JMJD1C: variants seen among roughly 807,000 people sequenced by gnomAD.
JMJD1C encodes jumonji domain-containing protein 1C.
A neutral mutation model predicts 245.3 loss-of-function variants in JMJD1C; 31 were observed. That is an observed-to-expected ratio of 0.13 (90% CI 0.09 to 0.17). The LOEUF (loss-of-function observed/expected upper bound fraction) is 0.17. JMJD1C is among the 10% of genes least tolerant of loss of function. The pLI is 1.00. For missense variants in JMJD1C, 2,691 were observed against 3,000.2 expected (o/e 0.90, Z 2.41); for synonymous variants, 1,057 against 1,017.4 (o/e 1.04, Z -0.74).
intron 1 of JMJD1C, among the ~76,000 whole-genome samples, chr10:63,511,891 T>C (rs1292532908): frequency 6.6e-6 from 1 of 151,998 alleles, no homozygotes; most frequent in African/African-American, 2.4e-5. Context: ...GGAATAACTG[T>C]TCTCATCTTT....
intron 8 of JMJD1C, among the ~76,000 whole-genome samples, chr10:63,211,859 A>G (rs1847398350): frequency 3.3e-5 from 5 of 151,422 alleles, no homozygotes; most frequent in African/African-American, 1.2e-4. Flanking sequence ...CCCACAAAAA[A>G]ACAAAAAAAC....
chr10:63,282,439 G>A (rs775341406), intron 2 of JMJD1C, among the ~76,000 whole-genome samples: 1 of 152,094 alleles, frequency 6.6e-6, no homozygotes, highest in Non-Finnish European at 1.5e-5. Context: ...AACTTATGCC[G>A]ATATTTTGAC....
At chr10:63,435,775 T>C (rs1460778400) in intron 1 of JMJD1C, among the ~76,000 whole-genome samples, 1 of 152,184 alleles carries the variant, frequency 6.6e-6, no homozygotes, top group Non-Finnish European at 1.5e-5. Flanking sequence ...GGCATGCGCC[T>C]ATAATCCCAG....
At chr10:63,495,439 A>G (rs1954326962) in intron 1 of JMJD1C, among the ~76,000 whole-genome samples, 1 of 152,088 alleles carries the variant, frequency 6.6e-6, no homozygotes. Flanking sequence ...CAATTCATTC[A>G]TCAACTTTGG....
chr10:63,348,469 T>C (rs546238396), intron 2 of JMJD1C, among the ~76,000 whole-genome samples: 5 of 152,318 alleles, frequency 3.3e-5, no homozygotes, highest in African/African-American at 1.2e-4. Context: ...TTAAATATAA[T>C]GACATTGGGT....
intron 20 of JMJD1C, 21 bp from the exon 21 acceptor site, chr10:63,184,759 C>T: frequency 6.3e-7 from 1 of 1,589,740 alleles, no homozygotes; most frequent in Non-Finnish European, 8.5e-7. Context: ...ACAACATTGC[C>T]TTCTTATAAA....
In JMJD1C at chr10:63,209,047, G is replaced by A. The variant is rs1487008979; in HGVS notation, c.2867+16C>T. The A allele has an allele frequency of 2.5e-6, 4 of 1,573,368 alleles. No homozygotes were observed. Among genetic ancestry groups the A allele is most frequent in the Admixed American group, 1.9e-5 (1 of 52,112 alleles). ...TGAACAAGGTATTTATAATTTTTAAGCACTGGTGAACTTACTCCTTATGAT... is the reference window on the plus strand; with the variant it reads ...TGAACAAGGTATTTATAATTTTTAAACACTGGTGAACTTACTCCTTATGAT... On this transcript the variant is annotated intron_variant, in intron 9 of 25. Coordinates refer to ENST00000399262, the MANE Select transcript of JMJD1C (RefSeq NM_032776.3).
At chr10:63,435,296 T>C (rs922464282) in intron 1 of JMJD1C, among the ~76,000 whole-genome samples, 1 of 152,120 alleles carries the variant, frequency 6.6e-6, no homozygotes, top group Non-Finnish European at 1.5e-5. Flanking sequence ...GCTTGAACAA[T>C]TTCTAGCTTT....
At chr10:63,487,698 G>C (rs1954042394) in intron 1 of JMJD1C, among the ~76,000 whole-genome samples, 1 of 152,216 alleles carries the variant, frequency 6.6e-6, no homozygotes, top group Non-Finnish European at 1.5e-5. Context: ...AGGCCTGACA[G>C]ATCAATGAGG....
At chr10:63,359,728 T>C (rs1293475943) in intron 2 of JMJD1C, among the ~76,000 whole-genome samples, 2 of 152,178 alleles carry the variant, frequency 1.3e-5, no homozygotes, top group African/African-American at 4.8e-5. Flanking sequence ...GAGTTACTAA[T>C]GTCACAGAAA....
At chr10:63,188,447 A>G (rs576780912) in intron 18 of JMJD1C, among the ~76,000 whole-genome samples, 3 of 152,228 alleles carry the variant, frequency 2.0e-5, no homozygotes, top group African/African-American at 7.2e-5. Flanking sequence ...TCATTTTTAC[A>G]TAGCTTACTC....
intron 2 of JMJD1C, among the ~76,000 whole-genome samples, chr10:63,375,577 GTCTCAC>G (rs1946674606): frequency 6.6e-6 from 1 of 150,974 alleles, no homozygotes; most frequent in East Asian, 1.9e-4. Flanking sequence ...TAGAGACAGG[GTCTCAC>G]TCTGTCACCC....
At chr10:63,315,838 CAAA>C (rs531544593) in intron 2 of JMJD1C, among the ~76,000 whole-genome samples, 1 of 55,276 alleles carries the variant, frequency 1.8e-5, no homozygotes, top group Non-Finnish European at 4.2e-5. Flanking sequence ...GACACCGTCT[CAAA>C]AAAAAAAAAA....
At chr10:63,337,638 A>AGAAAAG (rs1589518750) in intron 2 of JMJD1C, among the ~76,000 whole-genome samples, 1 of 150,186 alleles carries the variant, frequency 6.7e-6, no homozygotes, top group African/African-American at 2.5e-5. Context: ...AGAAAAGAAA[A>AGAAAAG]AAAATCCGCT....
At chr10:63,464,977 G>C (rs1407453655) in intron 1 of JMJD1C, among the ~76,000 whole-genome samples, 1 of 152,200 alleles carries the variant, frequency 6.6e-6, no homozygotes, top group Non-Finnish European at 1.5e-5. Context: ...AAACACATAG[G>C]AATCCCCGGA....
In JMJD1C at chr10:63,167,767, A is replaced by T. The variant is rs1841982767; in HGVS notation, c.*278T>A. 1 of 269,836 alleles carries T rather than the reference A, an allele frequency of 3.7e-6. No homozygotes were observed. Among genetic ancestry groups the T allele is most frequent in the South Asian group, 1.3e-4 (1 of 7,612 alleles). 16.7% of individuals were successfully genotyped at this position (269,836 alleles called of 1,614,324 possible). ...TTTATTTTTTACCAAAAATAAATAC[A>T]TCATTTTAAATCTGGCATTTTCACA... On this transcript the variant is annotated 3_prime_UTR_variant, in exon 26 of 26. Coordinates refer to ENST00000399262, the MANE Select transcript of JMJD1C (RefSeq NM_032776.3).
intron 10 of JMJD1C, chr10:63,204,280 T>C (rs1415264853): frequency 1.0e-6 from 1 of 985,404 alleles, no homozygotes; most frequent in Non-Finnish European, 1.2e-6. Context: ...TAAAGCTACA[T>C]GCTAGTTACC....
intron 2 of JMJD1C, among the ~76,000 whole-genome samples, chr10:63,339,252 C>G (rs1251829668): frequency 3.9e-5 from 6 of 152,086 alleles, no homozygotes; most frequent in African/African-American, 7.2e-5. Context: ...TCTTAGGAAA[C>G]AGTGCTGTAA....
chr10:63,239,719 A>T (rs1851248062), intron 3 of JMJD1C, among the ~76,000 whole-genome samples: 2 of 152,184 alleles, frequency 1.3e-5, no homozygotes, highest in African/African-American at 4.8e-5. Flanking sequence ...TGCTGGGATT[A>T]TAGGCGTGAG....
Sources: gnomAD v4.1 joint callset for allele counts (sites outside exome capture counted in the v4.1 genomes callset) on GRCh38, gnomAD v4.1.1 for gene constraint, MANE v1.5 for transcripts, NCBI Gene and HGNC (gene_info 2026-07-23, HGNC 2026-07-21) for gene names.